Variants in NXPE2 observed in about 807,000 individuals in gnomAD.
NXPE2 encodes NXPE family member 2.
In NXPE2, 34 loss-of-function variants were observed where a neutral mutation model predicts 34.4. That is an observed-to-expected ratio of 0.99 (90% CI 0.75 to 1.31). The LOEUF is 1.31. Among genes scored for constraint, NXPE2 ranks in the 40% most tolerant of loss-of-function variants. NXPE2 has a pLI of 0.00. For synonymous variants in NXPE2, 235 were observed against 231.3 expected, an observed-to-expected ratio of 1.02 and a Z score of -0.15; for missense variants, 649 against 672.5, an observed-to-expected ratio of 0.97 and a Z score of 0.39.
chr11:114,649,669 A>C, the NXPE2 span, among the ~76,000 whole-genome samples: 5 of 152,208 alleles, frequency 3.3e-5, no homozygotes, highest in Non-Finnish European at 5.9e-5. Flanking sequence ...AGCTGGAAGA[A>C]GACTGGAGGC....
the NXPE2 span, among the ~76,000 whole-genome samples, chr11:114,612,761 C>T: frequency 1.3e-5 from 2 of 151,958 alleles, no homozygotes; most frequent in Admixed American, 6.6e-5. Flanking sequence ...TAAGTGTTGC[C>T]TCGTGGGTAA....
the NXPE2 span, among the ~76,000 whole-genome samples, chr11:114,516,470 C>T: frequency 6.6e-6 from 1 of 152,086 alleles, no homozygotes; most frequent in Non-Finnish European, 1.5e-5. Context: ...CCTACATGTC[C>T]ATAATTCATC....
chr11:114,473,706 C>T, the NXPE2 span, among the ~76,000 whole-genome samples: 1 of 152,154 alleles, frequency 6.6e-6, no homozygotes, highest in Non-Finnish European at 1.5e-5. Context: ...CAAAAGCATT[C>T]TTGAAATTAG....
At chr11:114,491,421 C>T in the NXPE2 span, among the ~76,000 whole-genome samples, 3 of 152,082 alleles carry the variant, frequency 2.0e-5, no homozygotes, top group African/African-American at 7.2e-5. Flanking sequence ...CTCATCATCA[C>T]TGGCCATCAG....
the NXPE2 span, among the ~76,000 whole-genome samples, chr11:114,766,967 A>T: frequency 6.6e-6 from 1 of 151,774 alleles, no homozygotes; most frequent in African/African-American, 2.4e-5. Context: ...AGGAAGAATT[A>T]CACCTTGAAA....
chr11:114,505,872 A>G, the NXPE2 span, among the ~76,000 whole-genome samples: 1 of 152,186 alleles, frequency 6.6e-6, no homozygotes, highest in Non-Finnish European at 1.5e-5. Flanking sequence ...CCATATACCA[A>G]TAATAACCTT....
chr11:114,629,829 G>A, the NXPE2 span, among the ~76,000 whole-genome samples: 6 of 150,014 alleles, frequency 4.0e-5, no homozygotes, highest in Non-Finnish European at 7.4e-5. Flanking sequence ...AAAGTCTCAG[G>A]ATACAAAATC....
At chr11:114,744,321 A>C in the NXPE2 span, among the ~76,000 whole-genome samples, 1 of 152,210 alleles carries the variant, frequency 6.6e-6, no homozygotes, top group East Asian at 1.9e-4. Context: ...TGGCGTAGAT[A>C]CATCCTTAAA....
the NXPE2 span, among the ~76,000 whole-genome samples, chr11:114,634,339 GT>G: frequency 2.6e-5 from 4 of 152,076 alleles, no homozygotes; most frequent in East Asian, 7.7e-4. Flanking sequence ...ATTTGTTTGA[GT>G]TCATTGTAGA....
chr11:114,605,786 T>C, the NXPE2 span, among the ~76,000 whole-genome samples: 1 of 151,534 alleles, frequency 6.6e-6, no homozygotes, highest in African/African-American at 2.4e-5. Context: ...CAGTGGATAA[T>C]AAGTATTGCC....
chr11:114,678,585 A>G lies in NXPE2; in HGVS notation c.10A>G (p.Lys4Glu), dbSNP rs1040821831. ...GTGAGAACACGAGAAGATGGTGGAG[A>G]AAATACTCATCCATAGGTGTGGTAC... is the stretch of plus-strand genomic sequence containing the variant. Reference protein sequence around the residue: MVEKILIHRILTLF... With the variant: MVEEILIHRILTLF... Residue 4 changes from lysine (K) to glutamate (E), a missense_variant, in exon 1 of 6, where the codon AAA becomes GAA. Lys to Glu is a moderately conservative substitution (Grantham distance 56). Transcript: ENST00000389586. The G allele has an allele frequency of 1.3e-6, 2 of 1,549,106 alleles. No individual in the cohort carries two copies. Among genetic ancestry groups the G allele is most frequent in the Admixed American group, 2.0e-5 (1 of 50,936 alleles).
the NXPE2 span, among the ~76,000 whole-genome samples, chr11:114,633,041 A>G: frequency 3.5e-5 from 4 of 113,172 alleles, no homozygotes; most frequent in Admixed American, 3.6e-4. Flanking sequence ...ATTTTATTAT[A>G]TAATTGCATT....
chr11:114,561,309 T>A, the NXPE2 span, among the ~76,000 whole-genome samples: 1 of 152,138 alleles, frequency 6.6e-6, no homozygotes, highest in Non-Finnish European at 1.5e-5. Context: ...TGCATGGGAG[T>A]AAATTTTGAG....
At chr11:114,807,050 G>A in the NXPE2 span, among the ~76,000 whole-genome samples, 1 of 151,748 alleles carries the variant, frequency 6.6e-6, no homozygotes, top group East Asian at 1.9e-4. Flanking sequence ...AATTCTTAAA[G>A]AAAAGAACTT....
At chr11:114,534,066 G>A in the NXPE2 span, among the ~76,000 whole-genome samples, 3 of 152,140 alleles carry the variant, frequency 2.0e-5, no homozygotes, top group Non-Finnish European at 2.9e-5. Flanking sequence ...TCACACTGCC[G>A]GGTACTCCTC....
chr11:114,601,578 T>A, the NXPE2 span, among the ~76,000 whole-genome samples: 1 of 89,022 alleles, frequency 1.1e-5, no homozygotes, highest in African/African-American at 4.7e-5. Flanking sequence ...ATATTATAAT[T>A]ATATATTATA....
At chr11:114,752,846 C>A in the NXPE2 span, among the ~76,000 whole-genome samples, 1 of 152,214 alleles carries the variant, frequency 6.6e-6, no homozygotes, top group African/African-American at 2.4e-5. Context: ...AAGAAAGAGG[C>A]AAGCTTGGAG....
the NXPE2 span, among the ~76,000 whole-genome samples, chr11:114,642,791 G>T: frequency 3.9e-5 from 6 of 152,038 alleles, no homozygotes; most frequent in Non-Finnish European, 8.8e-5. Flanking sequence ...TACTGGGCTT[G>T]CTGGGTCAAA....
the NXPE2 span, among the ~76,000 whole-genome samples, chr11:114,781,129 C>T: frequency 3.0e-3 from 463 of 152,342 alleles, 1 homozygote; most frequent in African/African-American, 0.011. Flanking sequence ...ATCCCTGCCA[C>T]ATGGCTTGCC....
Sources: allele counts gnomAD v4.1 joint callset (sites outside exome capture counted in the v4.1 genomes callset), GRCh38; gene constraint gnomAD v4.1.1; transcripts MANE v1.5; gene names NCBI Gene and HGNC (gene_info 2026-07-23, HGNC 2026-07-21).